MAGI2: variants seen among roughly 807,000 people sequenced by gnomAD.
MAGI2 encodes membrane associated guanylate kinase, WW and PDZ domain containing 2.
A neutral mutation model predicts 133.3 loss-of-function variants in MAGI2; 35 were observed. The ratio of observed to expected loss-of-function variants is 0.26; its 90% CI spans 0.20 to 0.35. The LOEUF is 0.35. Ranked by LOEUF, MAGI2 falls within the 10% of genes least tolerant of loss-of-function variation. MAGI2 has a pLI of 1.00. For synonymous variants in MAGI2, 729 were observed against 710.6 expected, an observed-to-expected ratio of 1.03 and a Z score of -0.41; for missense variants, 1,636 against 1,863.4, an observed-to-expected ratio of 0.88 and a Z score of 2.25.
At chr7:78,084,716 GA>G (rs1339200049) in intron 20 of MAGI2, among the ~76,000 whole-genome samples, 1 of 152,176 alleles carries the variant, frequency 6.6e-6, no homozygotes, top group East Asian at 1.9e-4. Flanking sequence ...GAAGTTCCAG[GA>G]AAAGGAAAAG....
intron 1 of MAGI2, among the ~76,000 whole-genome samples, chr7:79,408,088 C>T (rs1019859476): frequency 6.6e-6 from 1 of 151,990 alleles, no homozygotes; most frequent in African/African-American, 2.4e-5. Context: ...GTTTTAAATG[C>T]TATAAATAGA....
At chr7:78,635,823 C>T (rs573725099) in intron 2 of MAGI2, among the ~76,000 whole-genome samples, 3 of 152,336 alleles carry the variant, frequency 2.0e-5, no homozygotes, top group Admixed American at 6.5e-5. Context: ...AACATACATC[C>T]GATAGATTCC....
chr7:78,624,106 G>C lies in MAGI2; in HGVS notation c.538+3014C>G, dbSNP rs142269347. 1.9e-3 allele frequency among the ~76,000 whole-genome samples: 291 copies of C among 151,946 alleles called. 4 individuals are homozygous for C. Among genetic ancestry groups the C allele is most frequent in the African/African-American group, 6.4e-3 (267 of 41,466 alleles). Reference sequence around the variant, plus strand: ...GTGATGTTGAGTTTTTTTCATGTTTGTTGGCCACTTGTATGTCTTTTGAAG... The same window carrying C: ...GTGATGTTGAGTTTTTTTCATGTTTCTTGGCCACTTGTATGTCTTTTGAAG... On this transcript the variant is annotated intron_variant, in intron 3 of 21. Transcript: ENST00000354212.
chr7:78,768,464 T>G (rs1456535405), intron 2 of MAGI2, among the ~76,000 whole-genome samples: 1 of 152,212 alleles, frequency 6.6e-6, no homozygotes, highest in South Asian at 2.1e-4. Flanking sequence ...TCTTATTGCC[T>G]CTGTAAGGTC....
intron 21 of MAGI2, among the ~76,000 whole-genome samples, chr7:78,077,403 A>AAT (rs3084740): frequency 0.13 from 19,652 of 148,588 alleles, 1,498 homozygotes; most frequent in South Asian, 0.19. Context: ...GCTTATTGAT[A>AAT]ATATATATAT....
chr7:78,264,270 G>A (rs1467143446), intron 9 of MAGI2, among the ~76,000 whole-genome samples: 2 of 152,128 alleles, frequency 1.3e-5, no homozygotes, highest in Non-Finnish European at 2.9e-5. Flanking sequence ...CTTCTCTAAA[G>A]TCACATTGAT....
chr7:78,103,422 C>T (rs187937740), intron 20 of MAGI2, among the ~76,000 whole-genome samples: 31 of 152,260 alleles, frequency 2.0e-4, no homozygotes, highest in African/African-American at 4.8e-4. Context: ...ATGATCCTTC[C>T]GACACTTCCC....
chr7:78,284,219 A>G (rs1412927468), intron 9 of MAGI2, among the ~76,000 whole-genome samples: 1 of 152,124 alleles, frequency 6.6e-6, no homozygotes, highest in Non-Finnish European at 1.5e-5. Flanking sequence ...ACCTTCCCCT[A>G]GGCAAATGTT....
intron 1 of MAGI2, among the ~76,000 whole-genome samples, chr7:79,026,134 C>A (rs1049936640): frequency 6.6e-6 from 1 of 152,090 alleles, no homozygotes; most frequent in Admixed American, 6.6e-5. Flanking sequence ...TCTAGAAATA[C>A]AAGGAAGACT....
chr7:79,317,002 T>G (rs1301983363), intron 1 of MAGI2, among the ~76,000 whole-genome samples: 1 of 141,538 alleles, frequency 7.1e-6, no homozygotes, highest in Non-Finnish European at 1.5e-5. Context: ...AAATGTAGGG[T>G]TTTTTTTTTT....
chr7:78,492,605 T>C (rs1447654328), intron 5 of MAGI2, among the ~76,000 whole-genome samples: 1 of 152,176 alleles, frequency 6.6e-6, no homozygotes, highest in African/African-American at 2.4e-5. Flanking sequence ...GGCAGGAAAC[T>C]GTGTTCAGAA....
intron 1 of MAGI2, among the ~76,000 whole-genome samples, chr7:79,304,703 G>A (rs527926619): frequency 2.6e-5 from 4 of 152,168 alleles, no homozygotes; most frequent in African/African-American, 9.7e-5. Flanking sequence ...GTCAAATGAG[G>A]AAGATGTTAT....
chr7:78,890,867 T>C (rs1796686190), intron 2 of MAGI2, among the ~76,000 whole-genome samples: 1 of 151,764 alleles, frequency 6.6e-6, no homozygotes, highest in African/African-American at 2.4e-5. Context: ...AGGCAAGAAA[T>C]AACTAAGATC....
intron 9 of MAGI2, among the ~76,000 whole-genome samples, chr7:78,331,096 G>T (rs1023682472): frequency 6.6e-6 from 1 of 152,160 alleles, no homozygotes; most frequent in African/African-American, 2.4e-5. Context: ...TGTCCTAAGT[G>T]AATTAACACA....
At chr7:78,476,625 C>T (rs1038914645) in intron 6 of MAGI2, among the ~76,000 whole-genome samples, 3 of 151,902 alleles carry the variant, frequency 2.0e-5, no homozygotes, top group Admixed American at 2.0e-4. Flanking sequence ...GTTTAGGTAT[C>T]AAAACACAAA....
At chr7:78,464,733 A>ATTT (rs5885066) in intron 6 of MAGI2, among the ~76,000 whole-genome samples, 9 of 146,852 alleles carry the variant, frequency 6.1e-5, no homozygotes, top group Non-Finnish European at 7.5e-5. Context: ...TAAGAACCTG[A>ATTT]TTTTTTTTTT....
chr7:79,184,939 CAATT>C (rs1038498985), intron 1 of MAGI2, among the ~76,000 whole-genome samples: 1 of 151,496 alleles, frequency 6.6e-6, no homozygotes, highest in Non-Finnish European at 1.5e-5. Context: ...TATGGCAACA[CAATT>C]AATGGCACCA....
intron 1 of MAGI2, among the ~76,000 whole-genome samples, chr7:79,188,518 G>A (rs1044944513): frequency 6.6e-6 from 1 of 151,718 alleles, no homozygotes; most frequent in African/African-American, 2.4e-5. Flanking sequence ...TCCTTATCCA[G>A]TCTATCATTG....
At chr7:78,446,246 CT>C (rs1788130070) in intron 6 of MAGI2, among the ~76,000 whole-genome samples, 1 of 151,876 alleles carries the variant, frequency 6.6e-6, no homozygotes, top group Non-Finnish European at 1.5e-5. Flanking sequence ...GAATAAAAAC[CT>C]TTTTACTCGG....
Sources: gnomAD v4.1 joint callset for allele counts (sites outside exome capture counted in the v4.1 genomes callset) on GRCh38, gnomAD v4.1.1 for gene constraint, MANE v1.5 for transcripts, NCBI Gene and HGNC (gene_info 2026-07-23, HGNC 2026-07-21) for gene names.